Variants in ACTN4 observed in about 807,000 individuals in gnomAD.
ACTN4 encodes the protein actinin alpha 4.
ACTN4 carries 18 observed loss-of-function variants against 114.2 expected under a neutral mutation model. The ratio of observed to expected loss-of-function variants is 0.16; its 90% CI spans 0.11 to 0.23. The LOEUF is 0.23. Among genes scored for constraint, ACTN4 ranks in the 10% least tolerant of loss-of-function variants. The pLI, the probability that ACTN4 is intolerant of heterozygous loss-of-function variation, is 1.00. For synonymous variants in ACTN4, 515 were observed against 506.3 expected (o/e 1.02, Z -0.23); for missense variants, 722 against 1,262.9 (o/e 0.57, Z 6.49).
intron 1 of ACTN4, among the ~76,000 whole-genome samples, chr19:38,651,949 G>A (rs924190811): frequency 6.6e-6 from 1 of 152,066 alleles, no homozygotes; most frequent in African/African-American, 2.4e-5. Flanking sequence ...GGCCAGGCTG[G>A]TCTGAAACTC....
chr19:38,676,649 C>T (rs7250895), intron 1 of ACTN4, among the ~76,000 whole-genome samples: 2,149 of 152,324 alleles, frequency 0.014, 58 homozygotes, highest in African/African-American at 0.047. Flanking sequence ...TGCCTTTCTG[C>T]TCTCTACCAC....
intron 1 of ACTN4, among the ~76,000 whole-genome samples, chr19:38,679,568 C>CGCGTGT (rs1555827861): frequency 1.4e-5 from 2 of 145,524 alleles, no homozygotes; most frequent in African/African-American, 5.1e-5. Context: ...TTTGGGTGTG[C>CGCGTGT]GTGTGTGTGT....
intron 1 of ACTN4, among the ~76,000 whole-genome samples, chr19:38,669,989 G>A (rs755462754): frequency 6.6e-6 from 1 of 152,150 alleles, no homozygotes; most frequent in Non-Finnish European, 1.5e-5. Flanking sequence ...AGTGGAAATA[G>A]CTGTTCACTC....
At chr19:38,679,227 C>G (rs1200139215) in intron 1 of ACTN4, among the ~76,000 whole-genome samples, 1 of 152,182 alleles carries the variant, frequency 6.6e-6, no homozygotes, top group Non-Finnish European at 1.5e-5. Context: ...CTTCTCAGCC[C>G]CACAAGTCCA....
chr19:38,654,158 A>G (rs370250648), intron 1 of ACTN4, among the ~76,000 whole-genome samples: 173 of 152,368 alleles, frequency 1.1e-3, no homozygotes, highest in African/African-American at 3.8e-3. Flanking sequence ...GTAACTTTCA[A>G]TGAATCAAAG....
intron 1 of ACTN4, among the ~76,000 whole-genome samples, chr19:38,675,481 A>G (rs1281815246): frequency 6.6e-6 from 1 of 152,114 alleles, no homozygotes; most frequent in African/African-American, 2.4e-5. Flanking sequence ...GTGATCCTCC[A>G]CCTTGGTCTC....
At chr19:38,652,670 A>G (rs188949465) in intron 1 of ACTN4, among the ~76,000 whole-genome samples, 2 of 152,314 alleles carry the variant, frequency 1.3e-5, no homozygotes, top group Admixed American at 6.5e-5. Flanking sequence ...CTTGGCCCCA[A>G]GTGGGCTGCC....
intron 1 of ACTN4, among the ~76,000 whole-genome samples, chr19:38,665,093 T>C (rs559624728): frequency 1.8e-4 from 27 of 152,202 alleles, no homozygotes; most frequent in African/African-American, 6.3e-4. Context: ...AGCAGTTAGC[T>C]AGCTGCACCC....
At chr19:38,710,176 T>C in intron 7 of ACTN4, 81 bp from the exon 8 acceptor site, 1 of 1,499,042 alleles carries the variant, frequency 6.7e-7, no homozygotes. Context: ...GCCGTGGCCT[T>C]GGGAGCCCGT....
chr19:38,658,985 G>A (rs545972100), intron 1 of ACTN4, among the ~76,000 whole-genome samples: 1 of 152,116 alleles, frequency 6.6e-6, no homozygotes, highest in South Asian at 2.1e-4. Flanking sequence ...TACCTAGACC[G>A]GTTAGGGGAG....
chr19:38,716,488 G>C (rs557574136), intron 9 of ACTN4, among the ~76,000 whole-genome samples: 1 of 152,142 alleles, frequency 6.6e-6, no homozygotes, highest in Non-Finnish European at 1.5e-5. Context: ...CCTTTTTGGC[G>C]GGGGCATGGG....
intron 1 of ACTN4, among the ~76,000 whole-genome samples, chr19:38,650,662 G>A (rs1976534228): frequency 6.6e-6 from 1 of 152,172 alleles, no homozygotes; most frequent in African/African-American, 2.4e-5. Context: ...AAGGAGTAAT[G>A]GAAAGGAATA....
chr19:38,701,605 G>T (rs906474386), intron 3 of ACTN4, among the ~76,000 whole-genome samples: 2 of 152,218 alleles, frequency 1.3e-5, no homozygotes, highest in Non-Finnish European at 2.9e-5. Flanking sequence ...CCTAGACTTT[G>T]CCCTGTGTGC....
Position 38,731,528 on chromosome 19 carries a change from C to T in ACTN4, c.*2096C>T, listed in dbSNP as rs1156598924. ...TCCTTAAATCCTGTGGGGCTTTCTC[C>T]TTGCCAGTGGGCACTGGAGGATATT... On this transcript the variant is annotated 3_prime_UTR_variant, in exon 21 of 21. Transcript: ENST00000252699. 7 of 447,612 alleles carry T rather than the reference C, an allele frequency of 1.6e-5. No individual in the cohort carries two copies. The highest frequency in any genetic ancestry group is 2.5e-5 in the Non-Finnish European group (6 of 241,748). 27.7% of individuals were successfully genotyped at this position (447,612 alleles called of 1,614,324 possible).
At chr19:38,679,329 C>T (rs79805536) in intron 1 of ACTN4, among the ~76,000 whole-genome samples, 2 of 152,068 alleles carry the variant, frequency 1.3e-5, no homozygotes, top group East Asian at 3.9e-4. Flanking sequence ...CTCCAGTGTG[C>T]CCGGCACTGT....
At chr19:38,705,350 G>A (rs1968421619) in intron 4 of ACTN4, among the ~76,000 whole-genome samples, 1 of 152,216 alleles carries the variant, frequency 6.6e-6, no homozygotes. Context: ...TGAGAGAGTT[G>A]GGCCTGGGCC....
chr19:38,706,619 ATG>A (rs1340663817), intron 5 of ACTN4, among the ~76,000 whole-genome samples: 1 of 152,030 alleles, frequency 6.6e-6, no homozygotes, highest in Non-Finnish European at 1.5e-5. Flanking sequence ...GGGTCTCCCT[ATG>A]TTGCCCAGGC....
chr19:38,726,016 G>A (rs1969221363), intron 17 of ACTN4, 113 bp downstream of exon 17: 2 of 1,436,720 alleles, frequency 1.4e-6, no homozygotes, highest in Non-Finnish European at 1.9e-6. Context: ...TTTTCACTCT[G>A]TTTAAAAATT....
At chr19:38,729,206 A>T (rs997177586) in intron 20 of ACTN4, 52 bp downstream of exon 20, 1 of 1,612,484 alleles carries the variant, frequency 6.2e-7, no homozygotes, top group South Asian at 1.1e-5. Context: ...GGGTCCCTGC[A>T]GTGGGAGGGG....
Sources: gnomAD v4.1 joint callset for allele counts (sites outside exome capture counted in the v4.1 genomes callset) on GRCh38, gnomAD v4.1.1 for gene constraint, MANE v1.5 for transcripts, NCBI Gene and HGNC (gene_info 2026-07-23, HGNC 2026-07-21) for gene names.